Variants in CFAP69 observed in about 807,000 individuals in gnomAD.
CFAP69 encodes the protein cilia and flagella associated protein 69.
CFAP69 carries 92 observed loss-of-function variants against 123.0 expected under a neutral mutation model. The observed-to-expected ratio is 0.75, with a 90% CI of 0.63 to 0.89. The LOEUF (loss-of-function observed/expected upper bound fraction) is 0.89. Among genes scored for constraint, CFAP69 ranks in the 40% least tolerant of loss-of-function variants. The pLI is 0.00. For missense variants in CFAP69, 1,067 were observed against 1,096.9 expected, an observed-to-expected ratio of 0.97 and a Z score of 0.39; for synonymous variants, 380 against 364.3, an observed-to-expected ratio of 1.04 and a Z score of -0.49.
rs534484923 is a variant in CFAP69, at chr7:90,293,225, A to T, written c.1776-4524A>T. Among the ~76,000 whole-genome samples the T allele has an allele frequency of 2.0e-5, 3 of 152,324 alleles. No homozygotes were observed. The East Asian group carries it at 5.8e-4, about 29-fold the overall frequency. ...TATGATGTTTATACCAAATAAGCCAAATTTTACCTTTACATTAGTGTACTA... is the reference window on the plus strand; with the variant it reads ...TATGATGTTTATACCAAATAAGCCATATTTTACCTTTACATTAGTGTACTA... On this transcript the variant is annotated intron_variant, in intron 15 of 22. Coordinates refer to ENST00000389297, the MANE Select transcript of CFAP69 (RefSeq NM_001039706.3).
At chr7:90,290,735 G>A (rs976558726) in intron 15 of CFAP69, among the ~76,000 whole-genome samples, 2 of 149,150 alleles carry the variant, frequency 1.3e-5, no homozygotes, top group African/African-American at 2.5e-5. Context: ...ACAGGCAGTA[G>A]AAACAATGTC....
At chr7:90,250,187 GGAGAGAGAGAGAGAGAGAGAGAGAGAGA>G (rs10527106) in intron 1 of CFAP69, among the ~76,000 whole-genome samples, 2 of 125,728 alleles carry the variant, frequency 1.6e-5, no homozygotes, top group Non-Finnish European at 3.4e-5. Context: ...TTTAAAGAGA[GGAGAGAGAGAGAGAGAGAGAGAGAGAGA>G]GAGAGAGAGA....
Position 90,310,128 on chromosome 7 carries a change from C to G in CFAP69, c.2716C>G (p.Leu906Val). ...STPARLVGGP[L>V]VDTDIALKKL... is the part of the protein sequence containing the mutation. ...TCCTGCCCGATTAGTAGGAGGACCT[C>G]TGGTTGATACGGATATTGCTCTTAA... Residue 906 changes from leucine (L) to valine (V), a missense_variant, in exon 23 of 23, where the codon CTG (leucine) becomes GTG (valine). Coordinates refer to ENST00000389297, the MANE Select transcript of CFAP69 (RefSeq NM_001039706.3). 1 of 1,613,964 alleles carries G rather than the reference C, an allele frequency of 6.2e-7. No individual in the cohort carries two copies. The highest frequency in any genetic ancestry group is 8.5e-7 in the Non-Finnish European group (1 of 1,179,888).
In CFAP69 at chr7:90,282,985, C is replaced by T; in HGVS notation, c.1466C>T (p.Ala489Val). Reference protein sequence around the residue: ...QMRYSLRLLRAVVYLEDETVN... With the variant: ...QMRYSLRLLRVVVYLEDETVN... ...CGTTACAGTTTAAGACTCCTGAGAGCCGTGGTCTACCTTGAAGATGAGACT... is the reference window on the plus strand; with the variant it reads ...CGTTACAGTTTAAGACTCCTGAGAGTCGTGGTCTACCTTGAAGATGAGACT... The change falls in exon 13 of 23, where the codon GCC becomes GTC. Residue 489 changes from alanine to valine, a missense_variant. Coordinates refer to ENST00000389297, the MANE Select transcript of CFAP69 (RefSeq NM_001039706.3). 1 of 1,600,336 alleles carries T rather than the reference C, an allele frequency of 6.2e-7. No homozygotes were observed. The highest frequency in any genetic ancestry group is 8.5e-7 in the Non-Finnish European group (1 of 1,174,042).
intron 4 of CFAP69, among the ~76,000 whole-genome samples, chr7:90,265,056 C>T (rs17865827): frequency 0.02 from 3,004 of 152,040 alleles, 99 homozygotes; most frequent in East Asian, 0.11. Flanking sequence ...CCTCCCAAGG[C>T]GCTGGGATTA....
intron 21 of CFAP69, among the ~76,000 whole-genome samples, chr7:90,308,301 G>A (rs1793898411): frequency 6.6e-6 from 1 of 152,104 alleles, no homozygotes; most frequent in Non-Finnish European, 1.5e-5. Flanking sequence ...GTGAACTGGG[G>A]ATAAATATCC....
intron 8 of CFAP69, 89 bp downstream of exon 8, chr7:90,272,047 CA>C: frequency 2.4e-6 from 3 of 1,256,428 alleles, no homozygotes; most frequent in Non-Finnish European, 3.3e-6. Context: ...AATCTGTGTT[CA>C]ATTATGTTTT....
intron 21 of CFAP69, among the ~76,000 whole-genome samples, chr7:90,308,899 ATGCAATATGTTT>A (rs1301019418): frequency 1.3e-5 from 2 of 152,172 alleles, no homozygotes; most frequent in Non-Finnish European, 2.9e-5. Context: ...TTGGTAATTT[ATGCAATATGTTT>A]TGCAATATGC....
intron 20 of CFAP69, among the ~76,000 whole-genome samples, chr7:90,307,389 A>G (rs1029377714): frequency 3.9e-5 from 6 of 152,188 alleles, no homozygotes; most frequent in Non-Finnish European, 5.9e-5. Flanking sequence ...TTATATATCA[A>G]TAAGAAAGTA....
Position 90,272,921 on chromosome 7 carries a change from A to G in CFAP69, c.860+963A>G, listed in dbSNP as rs181591556. On this transcript the variant is annotated intron_variant, in intron 8 of 22. Coordinates refer to ENST00000389297, the MANE Select transcript of CFAP69 (RefSeq NM_001039706.3). ...CACAGTGATTTATTAGTGCCAAAAGAAAAAATGCTCTGACTGGCGAAAAGG... is the reference window on the plus strand; with the variant it reads ...CACAGTGATTTATTAGTGCCAAAAGGAAAAATGCTCTGACTGGCGAAAAGG... Among the ~76,000 whole-genome samples, 6 of 152,312 alleles carry G rather than the reference A, an allele frequency of 3.9e-5. No homozygotes were observed. The East Asian group carries it at 1.2e-3, about 29-fold the overall frequency.
In CFAP69 at chr7:90,245,312, C is replaced by A; in HGVS notation, c.-113C>A. The A allele has an allele frequency of 7.3e-7, 1 of 1,372,036 alleles. No homozygotes were observed. 85.0% of individuals were successfully genotyped at this position (1,372,036 alleles called of 1,614,324 possible). A position where few individuals can be genotyped will look rare whatever the true frequency, so the allele number is the denominator to read the frequency against. On this transcript the variant is annotated 5_prime_UTR_variant, in exon 1 of 23. Transcript: ENST00000389297. ...ATTTTGGGACCTTTCGCGACTCTAG[C>A]GACTCTCAGGCTGCCTTCCCTTCTC...
rs745769901 is a variant in CFAP69, at chr7:90,307,335, C to A, written c.2463+237C>A. ...TACCCTGATCATTACACATTGTATG[C>A]ACATATCAAAATATCACATGTATGC... On this transcript the variant is annotated intron_variant, in intron 20 of 22. Coordinates refer to ENST00000389297, the MANE Select transcript of CFAP69 (RefSeq NM_001039706.3). Among the ~76,000 whole-genome samples the A allele has an allele frequency of 3.3e-5, 5 of 152,136 alleles. No homozygotes were observed. The South Asian group carries it at 6.2e-4, about 19-fold the overall frequency.
intron 1 of CFAP69, among the ~76,000 whole-genome samples, chr7:90,245,844 G>T (rs1262619632): frequency 6.6e-6 from 1 of 152,176 alleles, no homozygotes; most frequent in Non-Finnish European, 1.5e-5. Flanking sequence ...TCGAAAAGTG[G>T]TCATAGAGCT....
rs762112679 is a variant in CFAP69 at position 90,271,627 on chromosome 7, G to A, written c.634G>A (p.Val212Ile). ...AATGACCTTGCTTGAAAATCAACTT[G>A]TTGAGAAACTTTGGGTACTTAAAGT... ...QSMTLLENQL[V>I]EKLWVLKVLQ... The change falls in exon 7 of 23, where the codon GTT (valine) becomes ATT (isoleucine). Residue 212 changes from valine (V) to isoleucine (I), a missense_variant. Physicochemically the swap from Val to Ile is conservative, Grantham distance 29. Transcript: ENST00000389297. 6.2e-7 allele frequency: 1 copy of A among 1,613,636 alleles called. No individual in the cohort carries two copies. Among genetic ancestry groups the A allele is most frequent in the South Asian group, 1.1e-5 (1 of 91,052 alleles).
chr7:90,256,051 C>T (rs1797603934), intron 2 of CFAP69, among the ~76,000 whole-genome samples: 1 of 152,090 alleles, frequency 6.6e-6, no homozygotes, highest in Non-Finnish European at 1.5e-5. Flanking sequence ...TGCCTAAAAG[C>T]CAGCACACGC....
chr7:90,309,628 G>A (rs188815469), intron 22 of CFAP69, among the ~76,000 whole-genome samples: 2 of 151,114 alleles, frequency 1.3e-5, no homozygotes, highest in Non-Finnish European at 2.9e-5. Flanking sequence ...TCTTTTTGCT[G>A]TTCAAATTTC....
intron 8 of CFAP69, 123 bp from the exon 9 acceptor site, chr7:90,273,864 C>T (rs1800342372): frequency 2.9e-6 from 2 of 683,730 alleles, no homozygotes; most frequent in Admixed American, 3.8e-5. Context: ...CTCATTACCT[C>T]CCTAAGGCCT....
Position 90,286,353 on chromosome 7 carries a change from T to C in CFAP69, c.1610T>C (p.Ile537Thr). 6.2e-7 allele frequency: 1 copy of C among 1,611,938 alleles called. No homozygotes were observed. Among genetic ancestry groups the C allele is most frequent in the Non-Finnish European group, 8.5e-7 (1 of 1,179,006 alleles). Residue 537 changes from isoleucine (I) to threonine (T), a missense_variant, in exon 14 of 23, where the codon ATA (isoleucine) becomes ACA (threonine). Physicochemically the swap from Ile to Thr is moderately conservative, Grantham distance 89. Coordinates refer to ENST00000389297, the MANE Select transcript of CFAP69 (RefSeq NM_001039706.3). ...ATTGTTTTGGAAATCCAGTCTGATA[T>C]ATTACTTATCCTATCTGGCCTTTGT... ...EAIVLEIQSDILLILSGLCEN... is the reference protein window; with the variant it reads ...EAIVLEIQSDTLLILSGLCEN...
chr7:90,285,811 G>T (rs1790187426), intron 13 of CFAP69, among the ~76,000 whole-genome samples: 1 of 152,170 alleles, frequency 6.6e-6, no homozygotes, highest in South Asian at 2.1e-4. Flanking sequence ...CAAAGTGTCA[G>T]GTTATTGGGG....
Sources: gnomAD v4.1 joint callset for allele counts (sites outside exome capture counted in the v4.1 genomes callset) on GRCh38, gnomAD v4.1.1 for gene constraint, MANE v1.5 for transcripts, NCBI Gene and HGNC (gene_info 2026-07-23, HGNC 2026-07-21) for gene names.